The following FRMD4A variants were observed in gnomAD, a reference collection of about 807,000 sequenced individuals.
FRMD4A encodes the protein FERM domain-containing protein 4A.
A neutral mutation model predicts 129.1 loss-of-function variants in FRMD4A; 29 were observed. The ratio of observed to expected loss-of-function variants is 0.22; its 90% CI spans 0.17 to 0.31. The LOEUF is 0.31. FRMD4A is among the 10% of genes least tolerant of loss of function. The probability of loss-of-function intolerance (pLI) is 1.00; values close to 1 mark genes in which losing one functional copy is unlikely to be tolerated. For missense variants in FRMD4A, 1,272 were observed against 1,375.8 expected, an observed-to-expected ratio of 0.92 and a Z score of 1.19; for synonymous variants, 634 against 571.6, an observed-to-expected ratio of 1.11 and a Z score of -1.56.
chr10:13,991,092 C>G (rs933898075), intron 2 of FRMD4A, among the ~76,000 whole-genome samples: 1 of 152,158 alleles, frequency 6.6e-6, no homozygotes, highest in African/African-American at 2.4e-5. Context: ...CTGTGCTTGG[C>G]GTGCCTGGGC....
chr10:13,672,950 G>A (rs374484529), intron 16 of FRMD4A, among the ~76,000 whole-genome samples: 3 of 152,192 alleles, frequency 2.0e-5, no homozygotes, highest in East Asian at 3.8e-4. Flanking sequence ...ATTTTCTGGT[G>A]TTAACATTAT....
At chr10:13,900,276 A>G (rs968185390) in intron 2 of FRMD4A, among the ~76,000 whole-genome samples, 2 of 152,192 alleles carry the variant, frequency 1.3e-5, no homozygotes, top group African/African-American at 4.8e-5. Flanking sequence ...TTTTTTCACC[A>G]ACAGCTCTGT....
chr10:13,964,270 C>A (rs192956804), intron 2 of FRMD4A, among the ~76,000 whole-genome samples: 1 of 152,028 alleles, frequency 6.6e-6, no homozygotes, highest in Non-Finnish European at 1.5e-5. Context: ...CAAACACAAT[C>A]CCCCTCCCCA....
rs1221920543 is a variant in FRMD4A, at chr10:13,645,342, T to G, written c.*1696A>C. 1 of 130,646 alleles carries G rather than the reference T, an allele frequency of 7.7e-6. No homozygotes were observed. The highest frequency in any genetic ancestry group is 1.6e-5 in the Non-Finnish European group (1 of 63,388). 8.1% of individuals were successfully genotyped at this position (130,646 alleles called of 1,614,324 possible). ...CCTTTCCAATAGGAAGTCATTAGAG[T>G]GAGAAAAAAATTCCACCCCCACCCC... On this transcript the variant is annotated 3_prime_UTR_variant, in exon 25 of 25. Coordinates refer to ENST00000357447, the MANE Select transcript of FRMD4A (RefSeq NM_018027.5).
chr10:13,959,714 T>C (rs2095434509), intron 2 of FRMD4A, among the ~76,000 whole-genome samples: 1 of 152,140 alleles, frequency 6.6e-6, no homozygotes, highest in Non-Finnish European at 1.5e-5. Context: ...CTCATGCATG[T>C]GCTCAGTTTC....
chr10:13,804,670 A>G (rs898932633), intron 4 of FRMD4A, among the ~76,000 whole-genome samples: 43 of 150,696 alleles, frequency 2.9e-4, no homozygotes, highest in African/African-American at 1.0e-3. Flanking sequence ...TCAGCCTCCC[A>G]ACTAGTTGGG....
chr10:14,070,948 C>A (rs1835288851), intron 2 of FRMD4A, among the ~76,000 whole-genome samples: 1 of 152,220 alleles, frequency 6.6e-6, no homozygotes, highest in Non-Finnish European at 1.5e-5. Flanking sequence ...ACAATTGATG[C>A]ATCCAATCAA....
intron 6 of FRMD4A, among the ~76,000 whole-genome samples, chr10:13,773,706 A>G (rs745858924): frequency 3.3e-5 from 5 of 152,102 alleles, no homozygotes; most frequent in Admixed American, 2.0e-4. Context: ...TTGATGGTGG[A>G]TCATCTTCTT....
At chr10:13,748,859 A>G (rs1246956618) in intron 8 of FRMD4A, among the ~76,000 whole-genome samples, 1 of 152,110 alleles carries the variant, frequency 6.6e-6, no homozygotes, top group Non-Finnish European at 1.5e-5. Flanking sequence ...TTCTGCTCCC[A>G]AGCATTTGGG....
At chr10:13,807,845 G>T (rs1027704023) in intron 4 of FRMD4A, among the ~76,000 whole-genome samples, 4 of 150,988 alleles carry the variant, frequency 2.6e-5, no homozygotes, top group African/African-American at 9.7e-5. Flanking sequence ...GTTGCTCAGG[G>T]TGGAGTGCAG....
intron 2 of FRMD4A, among the ~76,000 whole-genome samples, chr10:13,876,079 C>A (rs902448414): frequency 6.6e-6 from 1 of 152,236 alleles, no homozygotes; most frequent in Admixed American, 6.5e-5. Flanking sequence ...CCCGTTATCA[C>A]TGCAAATCAT....
At chr10:13,687,746 A>G (rs1280012493) in intron 15 of FRMD4A, among the ~76,000 whole-genome samples, 1 of 152,152 alleles carries the variant, frequency 6.6e-6, no homozygotes, top group Non-Finnish European at 1.5e-5. Flanking sequence ...AGTGAATCCA[A>G]TGCACCCTGC....
chr10:13,735,247 T>C (rs2090567655), intron 12 of FRMD4A, among the ~76,000 whole-genome samples: 1 of 152,228 alleles, frequency 6.6e-6, no homozygotes, highest in Non-Finnish European at 1.5e-5. Context: ...CAAGTAGGAA[T>C]GGGCTGGAAA....
At chr10:14,185,459 A>T (rs767202678) in intron 2 of FRMD4A, among the ~76,000 whole-genome samples, 1 of 152,380 alleles carries the variant, frequency 6.6e-6, no homozygotes, top group East Asian at 1.9e-4. Flanking sequence ...GGCAGAAATT[A>T]GTACAAAAAA....
chr10:13,665,439 A>G (rs1589266259), intron 18 of FRMD4A, among the ~76,000 whole-genome samples: 1 of 152,264 alleles, frequency 6.6e-6, no homozygotes, highest in Middle Eastern at 3.4e-3. Flanking sequence ...TGCTTGATAT[A>G]TATTTTCAAG....
intron 2 of FRMD4A, among the ~76,000 whole-genome samples, chr10:13,915,935 T>C (rs375923409): frequency 6.6e-6 from 1 of 152,022 alleles, no homozygotes; most frequent in African/African-American, 2.4e-5. Flanking sequence ...AGAGCTCCAG[T>C]TGGGGGGTTG....
At chr10:14,185,528 AC>A (rs1842074683) in intron 2 of FRMD4A, among the ~76,000 whole-genome samples, 1 of 152,206 alleles carries the variant, frequency 6.6e-6, no homozygotes, top group Non-Finnish European at 1.5e-5. Context: ...TTGTTGTAGA[AC>A]TATGGAAACT....
At chr10:14,193,934 C>G (rs1842396096) in intron 2 of FRMD4A, among the ~76,000 whole-genome samples, 1 of 152,112 alleles carries the variant, frequency 6.6e-6, no homozygotes, top group African/African-American at 2.4e-5. Flanking sequence ...TTTCCTGATT[C>G]AAAGTTGATA....
chr10:13,664,230 C>T (rs4750395), intron 18 of FRMD4A, among the ~76,000 whole-genome samples: 121,167 of 152,146 alleles, frequency 0.8, 48,547 homozygotes, highest in East Asian at 0.87. Context: ...TAAAATAATA[C>T]GCTAAGGAAC....
Sources: gnomAD v4.1 joint callset for allele counts (sites outside exome capture counted in the v4.1 genomes callset) on GRCh38, gnomAD v4.1.1 for gene constraint, MANE v1.5 for transcripts, NCBI Gene and HGNC (gene_info 2026-07-23, HGNC 2026-07-21) for gene names.